STARD13: variants seen among roughly 807,000 people sequenced by gnomAD.
STARD13 encodes StAR related lipid transfer domain containing 13.
Under a neutral mutation model 106.4 loss-of-function variants are expected in STARD13, and 62 were observed. The ratio of observed to expected loss-of-function variants is 0.58; its 90% CI spans 0.48 to 0.72. The LOEUF is 0.72. Among genes scored for constraint, STARD13 ranks in the 30% least tolerant of loss-of-function variants. STARD13 has a pLI of 0.00. For missense variants in STARD13, 1,387 were observed against 1,424.0 expected (o/e 0.97, Z 0.42); for synonymous variants, 565 against 553.0 (o/e 1.02, Z -0.31).
intron 1 of STARD13, among the ~76,000 whole-genome samples, chr13:33,266,646 C>T (rs9597080): frequency 6.6e-6 from 1 of 152,112 alleles, no homozygotes; most frequent in Non-Finnish European, 1.5e-5. Context: ...GGTGGAAATA[C>T]AGCTTCTTCC....
the STARD13 span, among the ~76,000 whole-genome samples, chr13:33,668,219 A>T: frequency 6.6e-6 from 1 of 152,224 alleles, no homozygotes; most frequent in Non-Finnish European, 1.5e-5. Flanking sequence ...GAACTGAAAC[A>T]CTTTGCACCT....
chr13:33,151,766 A>C lies in STARD13; in HGVS notation c.324-9393T>G, dbSNP rs1408894. ...TTAGAAATGTAACTGGCAGCAGGAT[A>C]GAGAAGGAACTAAAGAGAAACAATT... On this transcript the variant is annotated intron_variant, in intron 3 of 13. Transcript: ENST00000336934. 3.2e-3 allele frequency among the ~76,000 whole-genome samples: 482 copies of C among 152,194 alleles called. 2 individuals are homozygous for C. The highest frequency in any genetic ancestry group is 5.7e-3 in the Non-Finnish European group (389 of 68,006).
At chr13:33,514,635 C>T in the STARD13 span, among the ~76,000 whole-genome samples, 5,269 of 152,156 alleles carry the variant, frequency 0.035, 298 homozygotes, top group African/African-American at 0.12. Flanking sequence ...CTGCTGTTAC[C>T]TTTGCAGCTG....
At chr13:33,414,558 G>A in the STARD13 span, among the ~76,000 whole-genome samples, 1 of 146,318 alleles carries the variant, frequency 6.8e-6, no homozygotes, top group Non-Finnish European at 1.5e-5. Context: ...GTTACATATT[G>A]TATGTTTCAT....
intron 1 of STARD13, among the ~76,000 whole-genome samples, chr13:33,249,856 C>A (rs1473111598): frequency 6.6e-6 from 1 of 152,136 alleles, no homozygotes; most frequent in Non-Finnish European, 1.5e-5. Context: ...GTGGCGCCAT[C>A]TCGGCTCACT....
At chr13:33,247,313 G>A (rs959624364) in intron 1 of STARD13, among the ~76,000 whole-genome samples, 1 of 152,136 alleles carries the variant, frequency 6.6e-6, no homozygotes, top group African/African-American at 2.4e-5. Flanking sequence ...CCAGGCGGCA[G>A]AGAGTCAGAA....
At chr13:33,222,591 T>C (rs1888416296) in intron 1 of STARD13, among the ~76,000 whole-genome samples, 1 of 152,238 alleles carries the variant, frequency 6.6e-6, no homozygotes, top group South Asian at 2.1e-4. Flanking sequence ...TATATAATAT[T>C]AGCAGATAGA....
the STARD13 span, among the ~76,000 whole-genome samples, chr13:33,499,543 C>CT: frequency 4.0e-5 from 2 of 50,160 alleles, no homozygotes; most frequent in South Asian, 8.7e-4. Context: ...TCTTCTTCTT[C>CT]TTCTTCTTCT....
At position 33,156,307 on chromosome 13, in the gene STARD13, C is replaced by A. The variant is rs566071034; in HGVS notation, c.323+9030G>T. Among the ~76,000 whole-genome samples the A allele has an allele frequency of 3.3e-5, 5 of 152,258 alleles. No homozygotes were observed. The South Asian group carries it at 8.3e-4, about 25-fold the overall frequency. ...GTTGGGCACGGCTCCTTCTTTTGAG[C>A]GTGTCCCTGTTCCTCTCTTGAGTGT... On this transcript the variant is annotated intron_variant, in intron 3 of 13. Transcript: ENST00000336934.
the STARD13 span, among the ~76,000 whole-genome samples, chr13:33,390,293 T>C: frequency 6.6e-6 from 1 of 152,232 alleles, no homozygotes; most frequent in African/African-American, 2.4e-5. Context: ...GACTGTTCTC[T>C]GGCTTTTATG....
intron 1 of STARD13, among the ~76,000 whole-genome samples, chr13:33,195,407 CG>C (rs1190156683): frequency 6.6e-6 from 1 of 152,130 alleles, no homozygotes; most frequent in African/African-American, 2.4e-5. Flanking sequence ...TCAAAGTCCC[CG>C]GGGACCACAT....
chr13:33,429,351 C>T, the STARD13 span, among the ~76,000 whole-genome samples: 2 of 152,076 alleles, frequency 1.3e-5, no homozygotes, highest in Non-Finnish European at 1.5e-5. Context: ...AATCCCAGCA[C>T]TTTGGGAGGC....
the STARD13 span, among the ~76,000 whole-genome samples, chr13:33,613,969 G>A: frequency 6.6e-6 from 1 of 152,300 alleles, no homozygotes; most frequent in African/African-American, 2.4e-5. Flanking sequence ...CACCTCAGCT[G>A]TTTTAGGGTG....
At chr13:33,455,514 A>T in the STARD13 span, among the ~76,000 whole-genome samples, 12 of 152,222 alleles carry the variant, frequency 7.9e-5, no homozygotes, top group Non-Finnish European at 1.8e-4. Flanking sequence ...ACCGGGCTTT[A>T]GTTTGAATCA....
the STARD13 span, among the ~76,000 whole-genome samples, chr13:33,446,547 T>C: frequency 1.3e-5 from 2 of 152,204 alleles, no homozygotes; most frequent in African/African-American, 4.8e-5. Context: ...TTTTCATTGC[T>C]ATATAAAAAT....
intron 1 of STARD13, among the ~76,000 whole-genome samples, chr13:33,195,174 C>G (rs961713995): frequency 6.6e-6 from 1 of 152,170 alleles, no homozygotes; most frequent in Non-Finnish European, 1.5e-5. Context: ...AATTAAAATG[C>G]CTAATCTGCC....
At chr13:33,163,246 T>G (rs1882845186) in intron 3 of STARD13, among the ~76,000 whole-genome samples, 1 of 152,100 alleles carries the variant, frequency 6.6e-6, no homozygotes, top group Non-Finnish European at 1.5e-5. Context: ...GGGAATACAA[T>G]TCAAGATAAG....
Position 33,113,260 on chromosome 13 carries a change from G to A in STARD13, c.2282-329C>T, listed in dbSNP as rs1215834728. 7.5e-6 allele frequency: 3 copies of A among 398,456 alleles called. No individual in the cohort carries two copies. The East Asian group carries it at 1.7e-4, about 23-fold the overall frequency. The allele number at this position is 398,456 out of a possible 1,614,324, so 24.7% of individuals were successfully genotyped here. A position where few individuals can be genotyped will look rare whatever the true frequency, so the allele number is the denominator to read the frequency against. ...ACTCACCTGCTTTCAGAAGGCTTCTGGGTGAAGTTGGTGATTAGGACTCTG... is the reference window on the plus strand; with the variant it reads ...ACTCACCTGCTTTCAGAAGGCTTCTAGGTGAAGTTGGTGATTAGGACTCTG... On this transcript the variant is annotated intron_variant, in intron 8 of 13. Coordinates refer to ENST00000336934, the MANE Select transcript of STARD13 (RefSeq NM_178006.4).
intron 1 of STARD13, among the ~76,000 whole-genome samples, chr13:33,240,738 C>T (rs955213231): frequency 6.6e-6 from 1 of 151,076 alleles, no homozygotes; most frequent in South Asian, 2.1e-4. Flanking sequence ...AGTATTTTAT[C>T]CTTAAGGATC....
Sources: allele counts gnomAD v4.1 joint callset (sites outside exome capture counted in the v4.1 genomes callset), GRCh38; gene constraint gnomAD v4.1.1; transcripts MANE v1.5; gene names NCBI Gene and HGNC (gene_info 2026-07-23, HGNC 2026-07-21).